Variants in PIP5K1B observed in about 807,000 individuals in gnomAD.
PIP5K1B encodes phosphatidylinositol 4-phosphate 5-kinase type-1 beta.
Under a neutral mutation model 67.0 loss-of-function variants are expected in PIP5K1B, and 42 were observed. The ratio of observed to expected loss-of-function variants is 0.63; its 90% CI spans 0.49 to 0.81. PIP5K1B has a LOEUF of 0.81. Ranked by LOEUF, PIP5K1B falls within the 30% of genes least tolerant of loss-of-function variation. PIP5K1B has a pLI of 0.00. For missense variants in PIP5K1B, 459 were observed against 646.3 expected, an observed-to-expected ratio of 0.71 and a Z score of 3.14; for synonymous variants, 214 against 231.4, an observed-to-expected ratio of 0.92 and a Z score of 0.68.
intron 14 of PIP5K1B, among the ~76,000 whole-genome samples, chr9:68,985,397 T>C (rs954376466): frequency 2.6e-5 from 4 of 151,776 alleles, no homozygotes; most frequent in Admixed American, 2.0e-4. Context: ...GATTACAGGC[T>C]CCCACCACCA....
chr9:69,008,409 A>C, intron 15 of PIP5K1B, 38 bp from the exon 16 acceptor site: 1 of 1,610,970 alleles, frequency 6.2e-7, no homozygotes, highest in Non-Finnish European at 8.5e-7. Context: ...AATTGATGCC[A>C]AAATCTAGTC....
chr9:68,814,794 T>C (rs1833352898), intron 2 of PIP5K1B, among the ~76,000 whole-genome samples: 1 of 152,170 alleles, frequency 6.6e-6, no homozygotes, highest in Non-Finnish European at 1.5e-5. Flanking sequence ...CACTCCAGCC[T>C]GAGCAACAGA....
intron 8 of PIP5K1B, among the ~76,000 whole-genome samples, chr9:68,895,328 A>C (rs1361270729): frequency 1.3e-5 from 2 of 152,108 alleles, no homozygotes; most frequent in Non-Finnish European, 1.5e-5. Context: ...AAGAGATAAA[A>C]ATTTTTTTAG....
chr9:68,832,051 T>C (rs1311331054), intron 4 of PIP5K1B, among the ~76,000 whole-genome samples: 3 of 152,244 alleles, frequency 2.0e-5, no homozygotes, highest in African/African-American at 7.2e-5. Flanking sequence ...TGTATCTCAC[T>C]TCTGAACACA....
chr9:68,962,995 TG>T (rs1828828895), intron 14 of PIP5K1B, among the ~76,000 whole-genome samples: 1 of 152,214 alleles, frequency 6.6e-6, no homozygotes, highest in African/African-American at 2.4e-5. Flanking sequence ...CAACTTAAAA[TG>T]CCACCCTTCT....
intron 2 of PIP5K1B, among the ~76,000 whole-genome samples, chr9:68,793,587 G>A (rs1026533542): frequency 6.6e-6 from 1 of 152,156 alleles, no homozygotes; most frequent in African/African-American, 2.4e-5. Flanking sequence ...CTAAACAACG[G>A]GAAGGATTGG....
At chr9:68,995,251 G>A (rs1407796683) in intron 15 of PIP5K1B, among the ~76,000 whole-genome samples, 2 of 152,012 alleles carry the variant, frequency 1.3e-5, no homozygotes, top group Non-Finnish European at 2.9e-5. Context: ...GAAAGAAAGA[G>A]AAAAGGAAGG....
intron 2 of PIP5K1B, among the ~76,000 whole-genome samples, chr9:68,817,263 C>T (rs555280664): frequency 1.1e-4 from 16 of 152,328 alleles, no homozygotes; most frequent in African/African-American, 3.6e-4. Context: ...AGCAGGCACT[C>T]ACCATGCACA....
At chr9:68,888,841 A>G (rs1002541262) in intron 6 of PIP5K1B, 140 bp from the exon 7 acceptor site, 16 of 555,214 alleles carry the variant, frequency 2.9e-5, no homozygotes, top group Middle Eastern at 4.8e-4. Context: ...CCTTCTCGGT[A>G]TACGTGGAGC....
At chr9:68,822,381 G>A in intron 3 of PIP5K1B, 1 of 400,738 alleles carries the variant, frequency 2.5e-6, no homozygotes, top group Non-Finnish European at 4.5e-6. Context: ...TGCTTTCTTA[G>A]AGCATATGGG....
At chr9:68,827,963 AAAAC>A (rs1834074795) in intron 4 of PIP5K1B, among the ~76,000 whole-genome samples, 1 of 152,216 alleles carries the variant, frequency 6.6e-6, no homozygotes, top group African/African-American at 2.4e-5. Context: ...CCACCTCTCC[AAAAC>A]AAACAGATGT....
intron 2 of PIP5K1B, among the ~76,000 whole-genome samples, chr9:68,778,111 T>TC (rs1297617965): frequency 6.6e-6 from 1 of 152,020 alleles, no homozygotes; most frequent in Non-Finnish European, 1.5e-5. Flanking sequence ...CGAAATTCTC[T>TC]CTTTAATCCA....
At chr9:68,708,875 A>G (rs917046344) in intron 1 of PIP5K1B, among the ~76,000 whole-genome samples, 4 of 152,214 alleles carry the variant, frequency 2.6e-5, no homozygotes, top group African/African-American at 2.4e-5. Context: ...TGGATCTGCA[A>G]TTTACATTGG....
chr9:68,789,242 A>G, intron 2 of PIP5K1B: 1 of 470,548 alleles, frequency 2.1e-6, no homozygotes, highest in South Asian at 1.9e-5. Context: ...CAACTGTTCG[A>G]AGGATAGTGG....
At chr9:68,790,194 A>G (rs1444708220) in intron 2 of PIP5K1B, among the ~76,000 whole-genome samples, 3 of 152,236 alleles carry the variant, frequency 2.0e-5, no homozygotes, top group South Asian at 2.1e-4. Context: ...GGCTCTCCCC[A>G]GAGGTAGAGA....
intron 5 of PIP5K1B, among the ~76,000 whole-genome samples, chr9:68,872,549 T>C (rs1470003785): frequency 1.3e-5 from 2 of 152,222 alleles, no homozygotes; most frequent in Non-Finnish European, 2.9e-5. Flanking sequence ...TTGTGAATGA[T>C]AATACACAGC....
chr9:68,839,918 AT>A (rs1281931006), intron 4 of PIP5K1B, among the ~76,000 whole-genome samples: 1 of 152,150 alleles, frequency 6.6e-6, no homozygotes, highest in African/African-American at 2.4e-5. Context: ...TCACCCATTC[AT>A]TTATTCAACA....
At chr9:68,833,413 G>A (rs1834424509) in intron 4 of PIP5K1B, among the ~76,000 whole-genome samples, 1 of 152,256 alleles carries the variant, frequency 6.6e-6, no homozygotes, top group South Asian at 2.1e-4. Context: ...GGAGGCCAGT[G>A]TGATGCAAGG....
intron 2 of PIP5K1B, among the ~76,000 whole-genome samples, chr9:68,791,540 G>T (rs772209535): frequency 5.9e-5 from 9 of 152,106 alleles, no homozygotes; most frequent in Non-Finnish European, 1.2e-4. Context: ...GAATTTCTTT[G>T]AGTCTCTTTC....
Sources: gnomAD v4.1 joint callset for allele counts (sites outside exome capture counted in the v4.1 genomes callset) on GRCh38, gnomAD v4.1.1 for gene constraint, MANE v1.5 for transcripts, NCBI Gene and HGNC (gene_info 2026-07-23, HGNC 2026-07-21) for gene names.